Variants in DOCK2 observed in about 807,000 individuals in gnomAD.
DOCK2 encodes dedicator of cytokinesis protein 2.
Under a neutral mutation model 248.9 loss-of-function variants are expected in DOCK2, and 87 were observed. That is an observed-to-expected ratio of 0.35 (90% CI 0.29 to 0.42). The LOEUF (loss-of-function observed/expected upper bound fraction) is 0.42, where lower values mean the gene tolerates loss of function less well. Ranked by LOEUF, DOCK2 falls within the 10% of genes least tolerant of loss-of-function variation. The pLI is 1.00. For synonymous variants in DOCK2, 805 were observed against 821.6 expected (o/e 0.98, Z 0.35); for missense variants, 1,747 against 2,300.2 (o/e 0.76, Z 4.92).
chr5:169,882,395 TAGAGAAAAGGG>T (rs898730745), intron 27 of DOCK2, among the ~76,000 whole-genome samples: 2 of 152,220 alleles, frequency 1.3e-5, no homozygotes, highest in Middle Eastern at 3.4e-3. Flanking sequence ...GAAATTCCAT[TAGAGAAAAGGG>T]AGGTCTGTGG....
chr5:170,061,997 CATT>C (rs749852245), intron 44 of DOCK2, among the ~76,000 whole-genome samples: 10 of 152,056 alleles, frequency 6.6e-5, no homozygotes, highest in Non-Finnish European at 1.3e-4. Flanking sequence ...CTTCAGTTAA[CATT>C]ATGTGTGTGC....
At position 169,688,860 on chromosome 5, in the gene DOCK2, C is replaced by T. The variant is rs79230043; in HGVS notation, c.762-392C>T. On this transcript the variant is annotated intron_variant, in intron 8 of 51. Coordinates refer to ENST00000520908, the MANE Select transcript of DOCK2 (RefSeq NM_004946.3). ...TCTTTACTCAGTCTTGAATGGGGAA[C>T]GGGCCGGAAAGGGTAAATATATTCT... Among the ~76,000 whole-genome samples the T allele has an allele frequency of 5.1e-4, 78 of 152,226 alleles. 1 individual carries two copies. The East Asian group carries it at 0.012, about 24-fold the overall frequency.
chr5:169,715,776 C>G (rs1761874507), intron 19 of DOCK2, among the ~76,000 whole-genome samples: 2 of 152,136 alleles, frequency 1.3e-5, no homozygotes, highest in East Asian at 3.9e-4. Context: ...CCCTCATACC[C>G]CTTCTCAGCC....
At chr5:169,871,032 C>A (rs1051520369) in intron 27 of DOCK2, among the ~76,000 whole-genome samples, 2 of 152,150 alleles carry the variant, frequency 1.3e-5, no homozygotes, top group Admixed American at 6.5e-5. Context: ...CTTGCTGTGT[C>A]CTCACGTGGC....
chr5:169,756,799 C>T (rs1386253164), intron 23 of DOCK2, among the ~76,000 whole-genome samples: 1 of 152,048 alleles, frequency 6.6e-6, no homozygotes, highest in African/African-American at 2.4e-5. Flanking sequence ...GTGGCACACG[C>T]CTGTAATCCC....
chr5:169,673,492 A>G (rs1759152551), intron 5 of DOCK2, among the ~76,000 whole-genome samples: 1 of 152,138 alleles, frequency 6.6e-6, no homozygotes, highest in African/African-American at 2.4e-5. Flanking sequence ...TTATTCATCT[A>G]AATACAATGA....
At chr5:169,985,048 T>C (rs1412601195) in intron 28 of DOCK2, among the ~76,000 whole-genome samples, 2 of 152,112 alleles carry the variant, frequency 1.3e-5, no homozygotes, top group East Asian at 3.9e-4. Flanking sequence ...CCCGAGTAGC[T>C]GGGATTACAG....
intron 44 of DOCK2, 35 bp downstream of exon 44, chr5:170,057,701 C>T: frequency 6.4e-7 from 1 of 1,561,130 alleles, no homozygotes; most frequent in East Asian, 2.3e-5. Flanking sequence ...GGCCACCCTT[C>T]CTCCGATGGG....
At chr5:169,883,886 T>C (rs1207148805) in intron 27 of DOCK2, 2 of 1,503,456 alleles carry the variant, frequency 1.3e-6, no homozygotes, top group Non-Finnish European at 1.8e-6. Context: ...ACTTTCATAT[T>C]TTGCTGGGCC....
chr5:169,664,479 AT>A (rs1758610941), intron 2 of DOCK2, among the ~76,000 whole-genome samples: 2 of 152,158 alleles, frequency 1.3e-5, no homozygotes, highest in South Asian at 4.1e-4. Flanking sequence ...AAGTTTCTGT[AT>A]TATTCTGTTT....
Position 169,690,258 on chromosome 5 carries a change from TG to T in DOCK2, c.843+929del, listed in dbSNP as rs370852002. Among the ~76,000 whole-genome samples the T allele has an allele frequency of 7.4e-3, 1,120 of 152,254 alleles. 15 individuals are homozygous for T. The highest frequency in any genetic ancestry group is 0.025 in the African/African-American group (1,057 of 41,528). On this transcript the variant is annotated intron_variant, in intron 9 of 51. Coordinates refer to ENST00000520908, the MANE Select transcript of DOCK2 (RefSeq NM_004946.3). ...TCTTAGCATTGTCTGTAAGCTTCTT[TG>T]GGGAGAACACTGTTTATGAGATTTT...
At chr5:169,768,779 A>G (rs560242214) in intron 25 of DOCK2, among the ~76,000 whole-genome samples, 1 of 152,250 alleles carries the variant, frequency 6.6e-6, no homozygotes, top group Non-Finnish European at 1.5e-5. Context: ...CTCTAGCCTC[A>G]TAGTGGGGCT....
Position 169,808,591 on chromosome 5 carries a change from C to CG in DOCK2, c.2703+5385_2703+5386insG, listed in dbSNP as rs200227238. Among the ~76,000 whole-genome samples, 425 of 152,018 alleles carry CG rather than the reference C, an allele frequency of 2.8e-3. 16 individuals are homozygous for CG. In the East Asian group the frequency reaches 0.068, roughly 24 times the overall value. On this transcript the variant is annotated intron_variant, in intron 26 of 51. Transcript: ENST00000520908. ...TCTTCCTCTATTAACTCCTTTTCTC[C>CG]CCCCTCACTGAGCAAGTTTAGTTGT...
At chr5:169,953,495 G>A (rs1234680899) in intron 27 of DOCK2, among the ~76,000 whole-genome samples, 1 of 152,086 alleles carries the variant, frequency 6.6e-6, no homozygotes, top group Non-Finnish European at 1.5e-5. Flanking sequence ...GAGGTCTTGG[G>A]GATTGAATGA....
chr5:169,862,616 C>T (rs908314165), intron 27 of DOCK2, among the ~76,000 whole-genome samples: 2 of 152,194 alleles, frequency 1.3e-5, no homozygotes, highest in African/African-American at 4.8e-5. Context: ...TTATATATTC[C>T]GGTCTGATTC....
chr5:169,780,090 A>G (rs1391162849), intron 25 of DOCK2, among the ~76,000 whole-genome samples: 1 of 152,086 alleles, frequency 6.6e-6, no homozygotes, highest in African/African-American at 2.4e-5. Context: ...CCCTTCCACC[A>G]TGGCTTTGGC....
Position 170,042,111 on chromosome 5 carries a change from A to G in DOCK2, c.3855A>G (p.Ile1285Met). Residue 1285 changes from isoleucine to methionine, a missense_variant, in exon 38 of 52, where the codon ATA (isoleucine) becomes ATG (methionine). Physicochemically the swap from Ile to Met is conservative, Grantham distance 10. This residue lies in a region of DOCK2 where 858 missense variants were observed against 1,183.5 expected (regional missense o/e 0.72). Coordinates refer to ENST00000520908, the MANE Select transcript of DOCK2 (RefSeq NM_004946.3). ...AGGAGACGCTCTACGAGACCATCAT[A>G]GGCTACTTTGACAAAGGAAAGGTAA... ...QLKETLYETI[I>M]GYFDKGKMWE... 6.2e-7 allele frequency: 1 copy of G among 1,612,752 alleles called. No individual in the cohort carries two copies.
chr5:170,081,506 G>A (rs762933767), intron 50 of DOCK2: 1 of 261,112 alleles, frequency 3.8e-6, no homozygotes, highest in Non-Finnish European at 7.3e-6. Flanking sequence ...CAGGGTGTTG[G>A]TGTTGGGAGC....
At chr5:169,718,561 C>T in intron 21 of DOCK2, 96 bp from the exon 22 acceptor site, 1 of 1,371,168 alleles carries the variant, frequency 7.3e-7, no homozygotes, top group Non-Finnish European at 9.7e-7. Context: ...GCTCTACTAC[C>T]ACCTTTAACC....
Sources: allele counts gnomAD v4.1 joint callset (sites outside exome capture counted in the v4.1 genomes callset), GRCh38; gene constraint gnomAD v4.1.1; regional missense constraint gnomAD v4.1.1; transcripts MANE v1.5; gene names NCBI Gene and HGNC (gene_info 2026-07-23, HGNC 2026-07-21).